The following CLTCL1 variants were observed in gnomAD, a reference collection of about 807,000 sequenced individuals.
The protein encoded by CLTCL1 is clathrin heavy chain like 1.
In CLTCL1, 159 loss-of-function variants were observed where a neutral mutation model predicts 190.0. The observed-to-expected ratio is 0.84, with a 90% CI of 0.74 to 0.95. The LOEUF (loss-of-function observed/expected upper bound fraction) is 0.95. Ranked by LOEUF, CLTCL1 falls within the 40% of genes least tolerant of loss-of-function variation. The pLI is 0.00. For missense variants in CLTCL1, 1,878 were observed against 2,033.4 expected (o/e 0.92, Z 1.47); for synonymous variants, 752 against 769.6 (o/e 0.98, Z 0.38).
Position 19,221,380 on chromosome 22 carries a change from G to T in CLTCL1, c.2793C>A (p.Ile931=). The change falls in exon 17 of 33, where the codon ATC becomes ATA. Residue 931 remains isoleucine (I), a synonymous_variant. Transcript: ENST00000427926. ...GCTCAGCACATCTGCTACCCACCTT[G>T]ATGAGCTCAAGGTCACACTGCCCCC... is the stretch of plus-strand genomic sequence containing the variant. ...YERGQCDLEL[I]KVCNENSLFK... 2.6e-6 allele frequency: 4 copies of T among 1,547,262 alleles called. No homozygotes were observed. Among genetic ancestry groups the T allele is most frequent in the Non-Finnish European group, 3.5e-6 (4 of 1,143,806 alleles).
chr22:19,258,407 A>C, intron 2 of CLTCL1: 1 of 405,476 alleles, frequency 2.5e-6, no homozygotes, highest in Non-Finnish European at 4.7e-6. Flanking sequence ...TAACACTCAC[A>C]GAGCTGAGAT....
At position 19,254,170 on chromosome 22, in the gene CLTCL1, G is replaced by A. The variant is rs1555971465; in HGVS notation, c.308C>T (p.Thr103Ile). 6.2e-7 allele frequency: 1 copy of A among 1,613,842 alleles called. No homozygotes were observed. The stretch of plus-strand genomic sequence containing the variant: ...CCAGAAAATCACTTCTTCTGCCATA[G>A]TATGAGCCTTCATTTTACTCTTCAT... ...IEMKSKMKAHTMAEEVIFWKW... is the reference protein window; with the variant it reads ...IEMKSKMKAHIMAEEVIFWKW... Residue 103 changes from threonine to isoleucine, a missense_variant, in exon 3 of 33, where the codon ACT becomes ATT. Thr to Ile is a moderately conservative substitution (Grantham distance 89). Coordinates refer to ENST00000427926, the MANE Select transcript of CLTCL1 (RefSeq NM_007098.4).
chr22:19,269,946 TTA>T (rs1491358954), intron 2 of CLTCL1, among the ~76,000 whole-genome samples: 219 of 93,736 alleles, frequency 2.3e-3, no homozygotes, highest in African/African-American at 7.0e-3. Flanking sequence ...TAAAGTAAAA[TTA>T]AAAAAAAAAA....
At chr22:19,184,933 C>T (rs1451938845) in intron 29 of CLTCL1, 3 of 199,824 alleles carry the variant, frequency 1.5e-5, no homozygotes, top group Admixed American at 5.5e-5. Context: ...CCAGTCTACA[C>T]CTGTACTTCC....
At chr22:19,230,274 T>G (rs2085880704) in intron 10 of CLTCL1, among the ~76,000 whole-genome samples, 1 of 152,014 alleles carries the variant, frequency 6.6e-6, no homozygotes, top group Non-Finnish European at 1.5e-5. Flanking sequence ...CAGCTAATTT[T>G]TCTATTTTTA....
At chr22:19,247,723 G>A (rs1454668154) in intron 3 of CLTCL1, among the ~76,000 whole-genome samples, 2 of 151,950 alleles carry the variant, frequency 1.3e-5, no homozygotes, top group Admixed American at 1.3e-4. Context: ...ACAACTCTCG[G>A]CTAATTTTTG....
At chr22:19,259,511 C>T (rs8141364) in intron 2 of CLTCL1, among the ~76,000 whole-genome samples, 18,846 of 152,128 alleles carry the variant, frequency 0.12, 1,480 homozygotes, top group African/African-American at 0.21. Flanking sequence ...CTGGGTCACA[C>T]TTTGGTAATT....
At chr22:19,235,501 G>C (rs1356561623) in intron 6 of CLTCL1, among the ~76,000 whole-genome samples, 195 bp downstream of exon 6, 1 of 152,184 alleles carries the variant, frequency 6.6e-6, no homozygotes, top group Non-Finnish European at 1.5e-5. Context: ...TCTCCTCCTG[G>C]AATCAATCCT....
At chr22:19,187,841 G>T in intron 28 of CLTCL1, 113 bp from the exon 29 acceptor site, 1 of 1,359,626 alleles carries the variant, frequency 7.4e-7, no homozygotes, top group Non-Finnish European at 1.0e-6. Context: ...CCTTAGAAAG[G>T]CCCCTGCCCA....
At chr22:19,242,231 C>T (rs2086278747) in intron 4 of CLTCL1, among the ~76,000 whole-genome samples, 1 of 152,008 alleles carries the variant, frequency 6.6e-6, no homozygotes, top group South Asian at 2.1e-4. Context: ...GTGTGAGCTA[C>T]CGCACCTGGC....
At chr22:19,258,304 A>T (rs540767137) in intron 2 of CLTCL1, 2 of 388,456 alleles carry the variant, frequency 5.1e-6, no homozygotes, top group East Asian at 1.2e-4. Flanking sequence ...ACTCAGAAGA[A>T]CCTAGAGAAG....
chr22:19,224,924 G>A (rs1355916603), intron 13 of CLTCL1, among the ~76,000 whole-genome samples: 4 of 152,114 alleles, frequency 2.6e-5, no homozygotes, highest in African/African-American at 9.7e-5. Flanking sequence ...CCCTAACAAA[G>A]CCACTCCCAT....
At chr22:19,273,455 A>G (rs888049296) in intron 2 of CLTCL1, among the ~76,000 whole-genome samples, 1 of 152,174 alleles carries the variant, frequency 6.6e-6, no homozygotes, top group Non-Finnish European at 1.5e-5. Context: ...GCCACCTGGA[A>G]GCTGGCCTGG....
chr22:19,264,837 G>A (rs1307638795), intron 2 of CLTCL1, among the ~76,000 whole-genome samples: 1 of 151,756 alleles, frequency 6.6e-6, no homozygotes, highest in East Asian at 1.9e-4. Flanking sequence ...GGCCCAAGCT[G>A]GAGTGCAATG....
intron 11 of CLTCL1, 132 bp from the exon 12 acceptor site, chr22:19,226,515 C>G: frequency 1.0e-6 from 1 of 959,430 alleles, no homozygotes; most frequent in Non-Finnish European, 1.6e-6. Flanking sequence ...CACATCCATA[C>G]CTCTGTGGTG....
At chr22:19,280,781 T>C (rs2087679855) in intron 1 of CLTCL1, among the ~76,000 whole-genome samples, 3 of 138,634 alleles carry the variant, frequency 2.2e-5, no homozygotes, top group Non-Finnish European at 4.5e-5. Flanking sequence ...ATTGTGCCAC[T>C]GTACTCCAGC....
Position 19,190,596 on chromosome 22 carries a change from C to CAAAAAAA in CLTCL1, c.4323+701_4323+707dup, listed in dbSNP as rs55780206. Reference sequence around the variant, plus strand: ...CCTGGGCAACAGAGCAAGACTGTCTCAAAAAAAAAAAAAAAAAAAAAAAGA... The same window carrying CAAAAAAA: ...CCTGGGCAACAGAGCAAGACTGTCTCAAAAAAAAAAAAAAAAAAAAAAAAAAAAAAGA... On this transcript the variant is annotated intron_variant, in intron 27 of 32. Coordinates refer to ENST00000427926, the MANE Select transcript of CLTCL1 (RefSeq NM_007098.4). 1.4e-3 allele frequency among the ~76,000 whole-genome samples: 103 copies of CAAAAAAA among 72,810 alleles called. 3 individuals carry two copies. The East Asian group carries it at 0.029, about 21-fold the overall frequency. The allele number at this position is 72,810 out of a possible 152,430, so 47.8% of individuals were successfully genotyped here. A position where few individuals can be genotyped will look rare whatever the true frequency, so the allele number is the denominator to read the frequency against.
chr22:19,265,089 G>A (rs1569239427), intron 2 of CLTCL1, among the ~76,000 whole-genome samples: 3 of 152,128 alleles, frequency 2.0e-5, no homozygotes, highest in Admixed American at 1.3e-4. Context: ...GTGCCCAGCC[G>A]AAATTTGATA....
chr22:19,222,828 A>T lies in CLTCL1; in HGVS notation c.2293-19T>A. The stretch of plus-strand genomic sequence containing the variant: ...TGGCCTCCTGAGGATTAGAATGCAC[A>T]GAACAAGTCAGGGAGTGGAGAAACC... On this transcript the variant is annotated intron_variant, in intron 14 of 32. Transcript: ENST00000427926. The T allele has an allele frequency of 3.8e-6, 6 of 1,584,490 alleles. No homozygotes were observed. The highest frequency in any genetic ancestry group is 4.3e-6 in the Non-Finnish European group (5 of 1,165,662).
Sources: gnomAD v4.1 joint callset for allele counts (sites outside exome capture counted in the v4.1 genomes callset) on GRCh38, gnomAD v4.1.1 for gene constraint, MANE v1.5 for transcripts, NCBI Gene and HGNC (gene_info 2026-07-23, HGNC 2026-07-21) for gene names.